SH3KBP1: variants seen among roughly 807,000 people sequenced by gnomAD.
SH3KBP1 encodes SH3 domain containing kinase binding protein 1, also known as SH3 domain-containing kinase-binding protein 1.
In SH3KBP1, 8 loss-of-function variants were observed where a neutral mutation model predicts 50.1. The ratio of observed to expected loss-of-function variants is 0.16; its 90% CI spans 0.09 to 0.29. SH3KBP1 has a LOEUF of 0.29. Among genes scored for constraint, SH3KBP1 ranks in the 10% least tolerant of loss-of-function variants. The pLI is 1.00. For missense variants in SH3KBP1, 377 were observed against 535.2 expected, an observed-to-expected ratio of 0.70 and a Z score of 2.92; for synonymous variants, 227 against 218.6, an observed-to-expected ratio of 1.04 and a Z score of -0.34.
Position 19,535,098 on chromosome X carries a change from G to A in SH3KBP1, c.*1319C>T, listed in dbSNP as rs777077045. The A allele has an allele frequency of 1.2e-3, 368 of 294,750 alleles. 1 individual carries two copies. The highest frequency in any genetic ancestry group is 5.3e-3 in the Middle Eastern group (6 of 1,130). 24.3% of individuals were successfully genotyped at this position (294,750 alleles called of 1,213,427 possible). On this transcript the variant is annotated 3_prime_UTR_variant, in exon 18 of 18. Coordinates refer to ENST00000397821, the MANE Select transcript of SH3KBP1 (RefSeq NM_031892.3). Reference sequence around the variant, plus strand: ...TCCACCCCTACCCCTGAACAGTCTCGCAATACAGTAGGCCCCTCATTTTCA... The same window carrying A: ...TCCACCCCTACCCCTGAACAGTCTCACAATACAGTAGGCCCCTCATTTTCA...
At chrX:19,649,230 G>A in intron 6 of SH3KBP1, among the ~76,000 whole-genome samples, 1 of 112,088 alleles carries the variant, frequency 8.9e-6, no homozygotes, top group Middle Eastern at 4.7e-3. Context: ...CATGCACTAA[G>A]GGGCTGTGTT....
At chrX:19,797,890 AACACACAC>A (rs60418789) in intron 2 of SH3KBP1, among the ~76,000 whole-genome samples, 3 of 97,417 alleles carry the variant, frequency 3.1e-5, no homozygotes, top group African/African-American at 1.1e-4. Flanking sequence ...AAGTGCCCTA[AACACACAC>A]ACACACACAC....
chrX:19,588,625 G>A lies in SH3KBP1; in HGVS notation c.1298+18C>T, dbSNP rs181448350. 12 of 1,204,487 alleles carry A rather than the reference G, an allele frequency of 1.0e-5. No individual in the cohort carries two copies. The highest frequency in any genetic ancestry group is 1.3e-5 in the Non-Finnish European group (12 of 892,855). On this transcript the variant is annotated intron_variant, in intron 12 of 17. Transcript: ENST00000397821. ...TAGCCACCCCACACCCGCCCCGGAG[G>A]TGAGAGCACAGCAGTACCTGGTGTG...
At chrX:19,771,655 G>T (rs927853697) in intron 2 of SH3KBP1, among the ~76,000 whole-genome samples, 5 of 111,071 alleles carry the variant, frequency 4.5e-5, no homozygotes, top group Non-Finnish European at 3.8e-5. Flanking sequence ...CCTGAGGCCA[G>T]GAGTTCAAGA....
chrX:19,828,853 G>A (rs1422106352), intron 2 of SH3KBP1, among the ~76,000 whole-genome samples: 1 of 111,735 alleles, frequency 8.9e-6, no homozygotes, highest in Non-Finnish European at 1.9e-5. Context: ...ATCATCACTG[G>A]GAGATTGGGT....
chrX:19,738,868 G>A (rs2064682403), intron 3 of SH3KBP1, among the ~76,000 whole-genome samples: 1 of 107,286 alleles, frequency 9.3e-6, no homozygotes, highest in South Asian at 4.2e-4. Flanking sequence ...AAAATTGGCC[G>A]GGCATGGTGG....
rs1267093044 is a variant in SH3KBP1, at chrX:19,746,563, A to G, written c.163-122T>C. On this transcript the variant is annotated intron_variant, in intron 2 of 17. Transcript: ENST00000397821. ...AGCAATGCCAACTTAGCATAACATC[A>G]TGTTTTAAAAACACCATTTTCTGTA... The G allele has an allele frequency of 6.0e-5, 39 of 654,613 alleles. No individual in the cohort carries two copies. The Middle Eastern group carries it at 1.9e-3, about 33-fold the overall frequency. The allele number at this position is 654,613 out of a possible 1,213,427, so 53.9% of individuals were successfully genotyped here.
intron 2 of SH3KBP1, among the ~76,000 whole-genome samples, chrX:19,780,240 CTTTT>C (rs1483653699): frequency 9.5e-6 from 1 of 104,962 alleles, no homozygotes; most frequent in East Asian, 3.0e-4. Context: ...TAAATGTCTT[CTTTT>C]GAGAAGTGTC....
intron 2 of SH3KBP1, among the ~76,000 whole-genome samples, chrX:19,767,779 C>G (rs2065666536): frequency 9.0e-6 from 1 of 111,180 alleles, no homozygotes; most frequent in African/African-American, 3.3e-5. Context: ...CTCATTTCTC[C>G]TTGCAGACAT....
At chrX:19,699,072 C>G (rs2063487205) in intron 4 of SH3KBP1, among the ~76,000 whole-genome samples, 1 of 111,740 alleles carries the variant, frequency 8.9e-6, no homozygotes, top group Non-Finnish European at 1.9e-5. Flanking sequence ...ACACCCAGGA[C>G]TGTGTGGTCC....
At chrX:19,716,313 T>C (rs1429276468) in intron 3 of SH3KBP1, among the ~76,000 whole-genome samples, 2 of 112,293 alleles carry the variant, frequency 1.8e-5, no homozygotes, top group African/African-American at 6.5e-5. Context: ...CTCTTGGCTG[T>C]ACCTGGACTG....
intron 13 of SH3KBP1, among the ~76,000 whole-genome samples, chrX:19,567,557 A>AAAAAAT (rs2065886635): frequency 1.7e-4 from 6 of 35,065 alleles, no homozygotes; most frequent in Non-Finnish European, 2.6e-4. Context: ...AAAAAAAAAA[A>AAAAAAT]ATATATATAT....
At chrX:19,617,652 G>A (rs889582077) in intron 8 of SH3KBP1, among the ~76,000 whole-genome samples, 4 of 112,395 alleles carry the variant, frequency 3.6e-5, no homozygotes, top group African/African-American at 1.3e-4. Flanking sequence ...AATACATGCA[G>A]TAAGTTAGTG....
intron 7 of SH3KBP1, among the ~76,000 whole-genome samples, chrX:19,642,166 C>T (rs1209153908): frequency 8.9e-6 from 1 of 111,791 alleles, no homozygotes; most frequent in Non-Finnish European, 1.9e-5. Flanking sequence ...AAAAACTGTG[C>T]AATCTACAGC....
intron 1 of SH3KBP1, among the ~76,000 whole-genome samples, chrX:19,873,191 T>A (rs1375150536): frequency 1.9e-5 from 2 of 105,689 alleles, no homozygotes; most frequent in Non-Finnish European, 3.9e-5. Context: ...AATAGTTACA[T>A]AAATTAAGAT....
intron 6 of SH3KBP1, among the ~76,000 whole-genome samples, chrX:19,669,494 T>C (rs991576933): frequency 3.6e-5 from 4 of 110,153 alleles, no homozygotes; most frequent in Admixed American, 9.7e-5. Flanking sequence ...GGGCTACCAT[T>C]CCTCTCCCAT....
At chrX:19,804,735 C>G (rs1048765060) in intron 2 of SH3KBP1, among the ~76,000 whole-genome samples, 5 of 109,116 alleles carry the variant, frequency 4.6e-5, no homozygotes, top group African/African-American at 1.7e-4. Context: ...TGTTTAAACT[C>G]CCCCAGGTGA....
At chrX:19,738,265 C>T (rs1026242358) in intron 3 of SH3KBP1, among the ~76,000 whole-genome samples, 2 of 111,043 alleles carry the variant, frequency 1.8e-5, no homozygotes, top group Admixed American at 9.6e-5. Flanking sequence ...TTTCTCTCCC[C>T]GCTTGTCTGC....
At chrX:19,724,932 C>T (rs1180028417) in intron 3 of SH3KBP1, among the ~76,000 whole-genome samples, 2 of 111,197 alleles carry the variant, frequency 1.8e-5, no homozygotes, top group Non-Finnish European at 3.8e-5. Context: ...GCCCACGCTG[C>T]CTGGGGATTG....
Sources: allele counts gnomAD v4.1 joint callset (sites outside exome capture counted in the v4.1 genomes callset), GRCh38; gene constraint gnomAD v4.1.1; transcripts MANE v1.5; gene names NCBI Gene and HGNC (gene_info 2026-07-23, HGNC 2026-07-21).